MYCBP2: variants seen among roughly 807,000 people sequenced by gnomAD.
The protein encoded by MYCBP2 is E3 ubiquitin-protein ligase MYCBP2.
MYCBP2 carries 120 observed loss-of-function variants against 525.3 expected under a neutral mutation model. The ratio of observed to expected loss-of-function variants is 0.23; its 90% CI spans 0.20 to 0.27. The LOEUF is 0.27. Ranked by LOEUF, MYCBP2 falls within the 10% of genes least tolerant of loss-of-function variation. The pLI is 1.00. For missense variants in MYCBP2, 4,149 were observed against 5,657.1 expected, an observed-to-expected ratio of 0.73 and a Z score of 8.55; for synonymous variants, 1,894 against 1,955.8, an observed-to-expected ratio of 0.97 and a Z score of 0.83.
intron 1 of MYCBP2, among the ~76,000 whole-genome samples, chr13:77,317,872 G>C (rs766260131): frequency 2.6e-5 from 4 of 152,120 alleles, no homozygotes; most frequent in Middle Eastern, 3.2e-3. Flanking sequence ...GGGAGGCGGA[G>C]GTTGCAGTCA....
At chr13:77,233,051 G>T in intron 18 of MYCBP2, 105 bp downstream of exon 18, 2 of 935,906 alleles carry the variant, frequency 2.1e-6, no homozygotes, top group Non-Finnish European at 3.4e-6. Flanking sequence ...CATGATAGAA[G>T]CAAAGTAGAA....
chr13:77,233,394 C>G, intron 17 of MYCBP2, 131 bp from the exon 18 acceptor site: 1 of 687,304 alleles, frequency 1.5e-6, no homozygotes, highest in Non-Finnish European at 2.4e-6. Flanking sequence ...ACTTTTCTTC[C>G]AATTTCCCCA....
chr13:77,050,836 C>T (rs955310816), intron 82 of MYCBP2, among the ~76,000 whole-genome samples, 161 bp downstream of exon 82: 1 of 152,156 alleles, frequency 6.6e-6, no homozygotes, highest in Non-Finnish European at 1.5e-5. Context: ...TCCTAATTCA[C>T]CCAGAAAGTC....
At chr13:77,097,254 T>A (rs1270306609) in intron 56 of MYCBP2, 116 bp downstream of exon 56, 23 of 1,380,298 alleles carry the variant, frequency 1.7e-5, no homozygotes, top group Non-Finnish European at 2.0e-5. Flanking sequence ...AAAATGACAT[T>A]CTAAGATACT....
At chr13:77,289,324 A>G (rs113374698) in intron 2 of MYCBP2, among the ~76,000 whole-genome samples, 9 of 152,308 alleles carry the variant, frequency 5.9e-5, no homozygotes, top group African/African-American at 2.2e-4. Context: ...GAGATATTAC[A>G]AGTATTAGCT....
intron 62 of MYCBP2, 48 bp downstream of exon 62, chr13:77,087,436 A>T: frequency 6.9e-7 from 1 of 1,450,872 alleles, no homozygotes; most frequent in Non-Finnish European, 9.5e-7. Context: ...AAGGTATACT[A>T]CCAGTTTCTA....
At chr13:77,284,710 G>C (rs1198351163) in intron 3 of MYCBP2, among the ~76,000 whole-genome samples, 1 of 152,094 alleles carries the variant, frequency 6.6e-6, no homozygotes, top group East Asian at 1.9e-4. Context: ...ACATTTTCTT[G>C]TTTGCACCTA....
At chr13:77,290,174 T>C (rs1275262084) in intron 2 of MYCBP2, among the ~76,000 whole-genome samples, 1 of 152,120 alleles carries the variant, frequency 6.6e-6, no homozygotes, top group Admixed American at 6.5e-5. Context: ...TAAAATGAGA[T>C]ATAGTACACA....
intron 1 of MYCBP2, among the ~76,000 whole-genome samples, chr13:77,322,819 C>T (rs1006887848): frequency 6.6e-6 from 1 of 152,200 alleles, no homozygotes; most frequent in Non-Finnish European, 1.5e-5. Context: ...ACAGATCATA[C>T]ATTCCTTCAT....
At chr13:77,242,931 A>C in intron 17 of MYCBP2, 128 bp downstream of exon 17, 1 of 725,732 alleles carries the variant, frequency 1.4e-6, no homozygotes, top group East Asian at 2.7e-5. Flanking sequence ...ATGAGTTATC[A>C]GAATATTGCT....
chr13:77,131,458 A>G (rs2052781473), intron 52 of MYCBP2, among the ~76,000 whole-genome samples: 1 of 151,776 alleles, frequency 6.6e-6, no homozygotes, highest in Non-Finnish European at 1.5e-5. Flanking sequence ...GTTCAAGTCC[A>G]GCTTGGGCAA....
chr13:77,234,407 G>A (rs2067583243), intron 17 of MYCBP2, among the ~76,000 whole-genome samples: 1 of 151,750 alleles, frequency 6.6e-6, no homozygotes, highest in Non-Finnish European at 1.5e-5. Flanking sequence ...TGAGCCTACT[G>A]CCCTCTAATA....
Position 77,070,633 on chromosome 13 carries a change from G to A in MYCBP2, c.11902C>T (p.Gln3968Ter). 1.3e-6 allele frequency: 2 copies of A among 1,599,754 alleles called. No individual in the cohort carries two copies. Among genetic ancestry groups the A allele is most frequent in the Non-Finnish European group, 1.7e-6 (2 of 1,172,208 alleles). ...SRSKLTNLQK[Q>*]VCAHIVQAIR... The stretch of plus-strand genomic sequence containing the variant: ...CAATGAAATAGCTGTTAACCAACCT[G>A]TTTTTGTAAGTTAGTCAGCTTACTC... The change falls in exon 69 of 83, where the codon CAG becomes TAG. Residue 3968 changes from glutamine to a stop codon, truncating the protein, a stop_gained and splice_region_variant. Transcript: ENST00000544440. LOFTEE classifies it high-confidence loss of function.
Position 77,081,193 on chromosome 13 carries a change from G to T in MYCBP2, c.11418+234C>A. 1 of 461,988 alleles carries T rather than the reference G, an allele frequency of 2.2e-6. No homozygotes were observed. The highest frequency in any genetic ancestry group is 3.8e-6 in the Non-Finnish European group (1 of 262,636). The allele number at this position is 461,988 out of a possible 1,614,324, so 28.6% of individuals were successfully genotyped here. A position where few individuals can be genotyped will look rare whatever the true frequency, so the allele number is the denominator to read the frequency against. ...GTAGAGCAGACTTTCATTTTGCTTA[G>T]CTGTAGCCATGGTATATTTGTAATC... On this transcript the variant is annotated intron_variant, in intron 65 of 82. Coordinates refer to ENST00000544440, the MANE Select transcript of MYCBP2 (RefSeq NM_015057.5). This position sits in a 1 kb window ranked among gnomAD's most constrained non-coding sequence, Gnocchi z 4.6.
intron 54 of MYCBP2, among the ~76,000 whole-genome samples, chr13:77,123,990 T>C (rs1272862637): frequency 1.3e-5 from 2 of 152,218 alleles, no homozygotes; most frequent in East Asian, 3.8e-4. Context: ...CTTTTTCAAA[T>C]GAACAGTTCT....
chr13:77,188,961 G>A lies in MYCBP2; in HGVS notation c.4241C>T (p.Thr1414Ile), dbSNP rs751859024. ...TAAAACATGGCTTACCACTGAGACA[G>A]TTCTTGCAAAAGACCTCTTTAAAAT... is the stretch of plus-strand genomic sequence containing the variant. ...VHILKRSFAR[T>I]VSVECFESLL... is the part of the protein sequence containing the mutation. The change falls in exon 30 of 83, where the codon ACT (threonine) becomes ATT (isoleucine). Residue 1414 changes from threonine (T) to isoleucine (I), a missense_variant. Around this residue, in one of 21 missense-constraint regions of MYCBP2, gnomAD observed 292 missense variants for 330.5 expected, o/e 0.88. Transcript: ENST00000544440. 12 of 1,597,506 alleles carry A rather than the reference G, an allele frequency of 7.5e-6. No homozygotes were observed. The highest frequency in any genetic ancestry group is 1.4e-5 in the African/African-American group (1 of 73,402).
intron 71 of MYCBP2, 48 bp from the exon 72 acceptor site, chr13:77,066,136 G>T: frequency 8.0e-7 from 1 of 1,249,824 alleles, no homozygotes; most frequent in Admixed American, 1.9e-5. Context: ...ATCAGTAGTA[G>T]TAACAAATGA....
chr13:77,157,244 A>T (rs544607225), intron 45 of MYCBP2, among the ~76,000 whole-genome samples: 11 of 151,734 alleles, frequency 7.2e-5, no homozygotes, highest in Non-Finnish European at 1.3e-4. Context: ...TGCTTGGCTA[A>T]TTTTTGTATT....
intron 26 of MYCBP2, among the ~76,000 whole-genome samples, chr13:77,198,699 T>A (rs1185418049): frequency 6.6e-6 from 1 of 152,230 alleles, no homozygotes; most frequent in East Asian, 1.9e-4. Flanking sequence ...TGACTCTCAA[T>A]GATTTTTAGT....
Sources: allele counts gnomAD v4.1 joint callset (sites outside exome capture counted in the v4.1 genomes callset), GRCh38; gene constraint gnomAD v4.1.1; regional missense constraint gnomAD v4.1.1; non-coding constraint Gnocchi (gnomAD v3.1); transcripts MANE v1.5; gene names NCBI Gene and HGNC (gene_info 2026-07-23, HGNC 2026-07-21).